FRAS1: variants seen among roughly 807,000 people sequenced by gnomAD.
FRAS1 encodes the protein extracellular matrix organizing protein FRAS1.
FRAS1 carries 290 observed loss-of-function variants against 435.2 expected under a neutral mutation model. The observed-to-expected ratio is 0.67, with a 90% CI of 0.61 to 0.73. The LOEUF is 0.73. Among genes scored for constraint, FRAS1 ranks in the 30% least tolerant of loss-of-function variants. The pLI is 0.00. For missense variants in FRAS1, 4,860 were observed against 5,001.5 expected (o/e 0.97, Z 0.85); for synonymous variants, 1,800 against 1,851.0 (o/e 0.97, Z 0.71).
chr4:78,464,047 G>A lies in FRAS1; in HGVS notation c.6790G>A (p.Ala2264Thr). Residue 2264 changes from alanine to threonine, a missense_variant, in exon 48 of 74, where the codon GCT (alanine) becomes ACT (threonine). Transcript: ENST00000512123. Reference sequence around the variant, plus strand: ...TATCCAGATTAGTTCCTTTACTCAAGCTGATCTGACTTCACGAAATGTTCA... The same window carrying A: ...TATCCAGATTAGTTCCTTTACTCAAACTGATCTGACTTCACGAAATGTTCA... ...PGIQISSFTQ[A>T]DLTSRNVQYV... The A allele has an allele frequency of 6.2e-7, 1 of 1,613,328 alleles. No homozygotes were observed. The highest frequency in any genetic ancestry group is 8.5e-7 in the Non-Finnish European group (1 of 1,179,752).
chr4:78,261,850 T>C (rs1578213252), intron 6 of FRAS1, among the ~76,000 whole-genome samples: 1 of 152,182 alleles, frequency 6.6e-6, no homozygotes, highest in East Asian at 1.9e-4. Context: ...TTAAATAAGT[T>C]TTTATGCTTT....
chr4:78,499,999 A>G (rs1720628490), intron 61 of FRAS1, 78 bp downstream of exon 61: 2 of 1,193,914 alleles, frequency 1.7e-6, no homozygotes, highest in Non-Finnish European at 2.3e-6. Context: ...AAAGGAATAA[A>G]CAGATAAATG....
intron 2 of FRAS1, among the ~76,000 whole-genome samples, chr4:78,090,307 A>G (rs1741448703): frequency 1.3e-5 from 2 of 152,314 alleles, no homozygotes; most frequent in African/African-American, 4.8e-5. Flanking sequence ...AATGTTTTGA[A>G]CAGTGTCTAG....
intron 29 of FRAS1, among the ~76,000 whole-genome samples, chr4:78,399,987 C>T (rs1038828922): frequency 7.2e-5 from 11 of 152,190 alleles, no homozygotes; most frequent in South Asian, 2.1e-4. Context: ...ACTAACCTTC[C>T]ATAAGACAGT....
intron 2 of FRAS1, among the ~76,000 whole-genome samples, chr4:78,192,349 A>G (rs544187975): frequency 2.6e-3 from 390 of 152,324 alleles, no homozygotes; most frequent in Non-Finnish European, 4.6e-3. Context: ...TAGTTTCAGA[A>G]GGAATGGTAC....
rs1553941029 is a variant in FRAS1, at chr4:78,301,859, T to TTA, written c.1535-6206_1535-6205insAT. Among the ~76,000 whole-genome samples the TTA allele has an allele frequency of 2.7e-5, 4 of 148,408 alleles. No individual in the cohort carries two copies. The South Asian group carries it at 8.4e-4, about 31-fold the overall frequency. ...CCCACAGAAACAGTTTTTTTTTTTTTTTTTTTTTTTATACTTTAAGTTTTA... is the reference window on the plus strand; with the variant it reads ...CCCACAGAAACAGTTTTTTTTTTTTTTATTTTTTTTTTATACTTTAAGTTTTA... On this transcript the variant is annotated intron_variant, in intron 14 of 73. Transcript: ENST00000512123.
At position 78,443,675 on chromosome 4, in the gene FRAS1, G is replaced by A. The variant is rs140948219; in HGVS notation, c.5666-1847G>A. 2.0e-3 allele frequency among the ~76,000 whole-genome samples: 305 copies of A among 152,286 alleles called. 1 individual carries two copies. Among genetic ancestry groups the A allele is most frequent in the African/African-American group, 6.8e-3 (282 of 41,548 alleles). On this transcript the variant is annotated intron_variant, in intron 41 of 73. Coordinates refer to ENST00000512123, the MANE Select transcript of FRAS1 (RefSeq NM_025074.7). ...TATGTTCTGTTTAAGAAAGCAGGTAGCACATTAATAAGAATGATTTATGTC... is the reference window on the plus strand; with the variant it reads ...TATGTTCTGTTTAAGAAAGCAGGTAACACATTAATAAGAATGATTTATGTC...
chr4:78,274,973 A>T (rs1726919272), intron 9 of FRAS1, among the ~76,000 whole-genome samples: 1 of 152,196 alleles, frequency 6.6e-6, no homozygotes, highest in South Asian at 2.1e-4. Context: ...GTCTCTAAGG[A>T]CTTGCTTTAT....
intron 47 of FRAS1, among the ~76,000 whole-genome samples, chr4:78,457,324 G>A (rs1387931506): frequency 6.6e-6 from 1 of 152,182 alleles, no homozygotes; most frequent in African/African-American, 2.4e-5. Flanking sequence ...ACCACAGGGG[G>A]GCAGTGGCAG....
In FRAS1 at chr4:78,057,434, A is replaced by G. The variant is rs1739514660; in HGVS notation, c.-576A>G. 1 of 153,224 alleles carries G rather than the reference A, an allele frequency of 6.5e-6. No individual in the cohort carries two copies. The highest frequency in any genetic ancestry group is 2.1e-4 in the South Asian group (1 of 4,876). The allele number at this position is 153,224 out of a possible 1,614,324, so 9.5% of individuals were successfully genotyped here. Reference sequence around the variant, plus strand: ...CCCGGAGCTGCCCTCAGCGCTGCACAGTTTCCAGCGAGCGGACCCCGGCAG... The same window carrying G: ...CCCGGAGCTGCCCTCAGCGCTGCACGGTTTCCAGCGAGCGGACCCCGGCAG... On this transcript the variant is annotated 5_prime_UTR_variant, in exon 1 of 74. Coordinates refer to ENST00000512123, the MANE Select transcript of FRAS1 (RefSeq NM_025074.7). This position sits in a 1 kb window ranked among gnomAD's most constrained non-coding sequence, Gnocchi z 4.2.
At chr4:78,506,577 C>T (rs1332747017) in intron 61 of FRAS1, among the ~76,000 whole-genome samples, 6 of 152,244 alleles carry the variant, frequency 3.9e-5, no homozygotes, top group Non-Finnish European at 7.3e-5. Flanking sequence ...AGAGAATCCC[C>T]TGGTCTGCTG....
chr4:78,488,467 G>A (rs1050746333), intron 58 of FRAS1, among the ~76,000 whole-genome samples: 1 of 152,158 alleles, frequency 6.6e-6, no homozygotes, highest in African/African-American at 2.4e-5. Context: ...TTGCACTGCT[G>A]TTTTCCTTAC....
At chr4:78,255,493 T>G in intron 6 of FRAS1, 118 bp downstream of exon 6, 7 of 1,077,734 alleles carry the variant, frequency 6.5e-6, no homozygotes, top group Non-Finnish European at 9.1e-6. Context: ...AAGCCCTTTT[T>G]GTTTTCCTCA....
chr4:78,485,016 T>C (rs1720124414), intron 58 of FRAS1, among the ~76,000 whole-genome samples: 2 of 152,250 alleles, frequency 1.3e-5, no homozygotes, highest in Non-Finnish European at 2.9e-5. Flanking sequence ...TTGCATGAAA[T>C]GACCATTAAT....
At chr4:78,147,644 G>T (rs1472081082) in intron 2 of FRAS1, among the ~76,000 whole-genome samples, 1 of 152,164 alleles carries the variant, frequency 6.6e-6, no homozygotes, top group African/African-American at 2.4e-5. Flanking sequence ...TCATCCTTCA[G>T]TTCTGCACTT....
At chr4:78,494,572 G>A (rs186162394) in intron 59 of FRAS1, among the ~76,000 whole-genome samples, 37 of 152,256 alleles carry the variant, frequency 2.4e-4, no homozygotes, top group Non-Finnish European at 5.3e-4. Context: ...CTGTGAGAAT[G>A]GCACCAAGCC....
At chr4:78,181,823 T>A in intron 2 of FRAS1, 1 of 1,612,104 alleles carries the variant, frequency 6.2e-7, no homozygotes. Flanking sequence ...GCGGTCTTTC[T>A]GGGACTCCTT....
In FRAS1 at chr4:78,278,753, C is replaced by T. The variant is rs1436934405; in HGVS notation, c.1071+9C>T. On this transcript the variant is annotated intron_variant, in intron 10 of 73. Coordinates refer to ENST00000512123, the MANE Select transcript of FRAS1 (RefSeq NM_025074.7). Reference sequence around the variant, plus strand: ...AAGAAACTGGAGAATTTGTGAGTATCAGGCTTATAACCGAAGATGATTTCA... The same window carrying T: ...AAGAAACTGGAGAATTTGTGAGTATTAGGCTTATAACCGAAGATGATTTCA... 6.1e-6 allele frequency: 9 copies of T among 1,481,716 alleles called. No homozygotes were observed. The highest frequency in any genetic ancestry group is 8.5e-6 in the Non-Finnish European group (9 of 1,061,996). The allele number at this position is 1,481,716 out of a possible 1,614,324, so 91.8% of individuals were successfully genotyped here.
chr4:78,271,549 G>A (rs1232624277), intron 9 of FRAS1, among the ~76,000 whole-genome samples: 4 of 152,130 alleles, frequency 2.6e-5, no homozygotes, highest in Non-Finnish European at 5.9e-5. Context: ...CCACCTATGA[G>A]TGAGAACATG....
Sources: gnomAD v4.1 joint callset for allele counts (sites outside exome capture counted in the v4.1 genomes callset) on GRCh38, gnomAD v4.1.1 for gene constraint, Gnocchi (gnomAD v3.1) non-coding constraint, MANE v1.5 for transcripts, NCBI Gene and HGNC (gene_info 2026-07-23, HGNC 2026-07-21) for gene names.